The following PXYLP1 variants were observed in gnomAD, a reference collection of about 807,000 sequenced individuals.
PXYLP1 encodes the protein acid phosphatase-like 2.
PXYLP1 carries 17 observed loss-of-function variants against 37.9 expected under a neutral mutation model. That is an observed-to-expected ratio of 0.45 (90% confidence interval 0.31 to 0.67). PXYLP1 has a LOEUF of 0.67. Among genes scored for constraint, PXYLP1 ranks in the 30% least tolerant of loss-of-function variants. PXYLP1 has a pLI of 0.07. For synonymous variants in PXYLP1, 221 were observed against 232.2 expected (o/e 0.95, Z 0.44); for missense variants, 511 against 612.0 (o/e 0.84, Z 1.74).
chr3:141,250,712 G>A (rs183050772), intron 1 of PXYLP1, among the ~76,000 whole-genome samples: 256 of 152,298 alleles, frequency 1.7e-3, no homozygotes, highest in African/African-American at 5.9e-3. Flanking sequence ...GCCAGCTTGC[G>A]ACCCTGAGAG....
At chr3:141,280,998 A>T (rs1941941098) in intron 4 of PXYLP1, among the ~76,000 whole-genome samples, 1 of 152,204 alleles carries the variant, frequency 6.6e-6, no homozygotes, top group Non-Finnish European at 1.5e-5. Context: ...CTTTATAAGG[A>T]AGGTGCTATT....
chr3:141,244,397 A>G (rs1940887318), intron 1 of PXYLP1, among the ~76,000 whole-genome samples: 1 of 151,902 alleles, frequency 6.6e-6, no homozygotes, highest in Admixed American at 6.6e-5. Context: ...CCAACATACT[A>G]TAAAATCAAA....
chr3:141,286,699 G>A (rs1942082430), intron 4 of PXYLP1, among the ~76,000 whole-genome samples: 2 of 152,216 alleles, frequency 1.3e-5, no homozygotes, highest in South Asian at 4.1e-4. Context: ...GGTGGTGATA[G>A]GGAAGGGCAG....
chr3:141,256,296 A>G (rs1185529435), intron 1 of PXYLP1, among the ~76,000 whole-genome samples: 1 of 152,168 alleles, frequency 6.6e-6, no homozygotes, highest in Non-Finnish European at 1.5e-5. Flanking sequence ...AAAAAGCAGG[A>G]TCCTGCAGCT....
intron 1 of PXYLP1, among the ~76,000 whole-genome samples, chr3:141,246,321 G>C (rs1576577475): frequency 2.0e-5 from 3 of 152,212 alleles, no homozygotes; most frequent in African/African-American, 7.2e-5. Flanking sequence ...TCAGTCGCAG[G>C]AGACAGCCAG....
At chr3:141,276,394 T>C (rs948343403) in intron 2 of PXYLP1, among the ~76,000 whole-genome samples, 1 of 152,246 alleles carries the variant, frequency 6.6e-6, no homozygotes, top group Non-Finnish European at 1.5e-5. Flanking sequence ...TGTATATTTA[T>C]GCATTTATGG....
intron 2 of PXYLP1, among the ~76,000 whole-genome samples, chr3:141,277,735 G>A (rs1482881518): frequency 6.6e-6 from 1 of 152,202 alleles, no homozygotes; most frequent in Non-Finnish European, 1.5e-5. Flanking sequence ...CAAGCACACA[G>A]ATTGCAAGAC....
intron 2 of PXYLP1, chr3:141,274,370 A>C (rs1435636844): frequency 2.1e-6 from 3 of 1,436,932 alleles, no homozygotes; most frequent in Non-Finnish European, 2.7e-6. Flanking sequence ...CCCAAGGCGT[A>C]TCCTGAGCCA....
chr3:141,284,289 C>T (rs949220545), intron 4 of PXYLP1, among the ~76,000 whole-genome samples: 1 of 152,046 alleles, frequency 6.6e-6, no homozygotes, highest in African/African-American at 2.4e-5. Flanking sequence ...ATGGTTGAAC[C>T]CTGGTTGCTG....
At chr3:141,259,391 A>ATTT (rs35796707) in intron 1 of PXYLP1, among the ~76,000 whole-genome samples, 8 of 147,300 alleles carry the variant, frequency 5.4e-5, no homozygotes, top group South Asian at 2.2e-4. Context: ...GTAGTCATTC[A>ATTT]TTTTTTTTTT....
chr3:141,278,440 C>T lies in PXYLP1; in HGVS notation c.178C>T (p.Pro60Ser), dbSNP rs567417517. Residue 60 changes from proline (P) to serine (S), a missense_variant, in exon 3 of 6, where the codon CCC (proline) becomes TCC (serine). Physicochemically the swap from Pro to Ser is moderately conservative, Grantham distance 74. Transcript: ENST00000286353. ...DPVTEPPVTD[P>S]VYEALLYCNI... ...TGTGACGGAGCCCCCTGTGACAGAC[C>T]CCGTTTATGAAGCTCTTTTGTACTG... 2 of 1,614,192 alleles carry T rather than the reference C, an allele frequency of 1.2e-6. No individual in the cohort carries two copies. The highest frequency in any genetic ancestry group is 1.3e-5 in the African/African-American group (1 of 75,036).
At chr3:141,265,656 A>G (rs956813809) in intron 2 of PXYLP1, among the ~76,000 whole-genome samples, 10 of 152,246 alleles carry the variant, frequency 6.6e-5, no homozygotes, top group Admixed American at 1.3e-4. Context: ...GGCTAGGATG[A>G]TGGTATCGGG....
chr3:141,260,228 C>T lies in PXYLP1; in HGVS notation c.53C>T (p.Ala18Val). The T allele has an allele frequency of 6.2e-7, 1 of 1,613,354 alleles. No individual in the cohort carries two copies. The stretch of plus-strand genomic sequence containing the variant: ...CTGCTGGCCCTGGCTGCGCTGCTGG[C>T]CTTTGTGAGCCTCAGCCTGCAGTTC... ...LLLLALAALL[A>V]FVSLSLQFFH... Residue 18 changes from alanine to valine, a missense_variant, in exon 2 of 6, where the codon GCC becomes GTC. Ala to Val is a moderately conservative substitution (Grantham distance 64). Coordinates refer to ENST00000286353, the MANE Select transcript of PXYLP1 (RefSeq NM_001037172.3).
chr3:141,267,976 G>A (rs554538868), intron 2 of PXYLP1, among the ~76,000 whole-genome samples: 1 of 152,108 alleles, frequency 6.6e-6, no homozygotes, highest in Admixed American at 6.5e-5. Context: ...TAGATGAGGG[G>A]ATAGAGATAT....
chr3:141,277,762 G>A lies in PXYLP1; in HGVS notation c.80-580G>A, dbSNP rs141237342. ...TTGCAAGACCCACACATGCCACGCCGAAGACAGTGGCAGGGAAGCTGGCCT... is the reference window on the plus strand; with the variant it reads ...TTGCAAGACCCACACATGCCACGCCAAAGACAGTGGCAGGGAAGCTGGCCT... On this transcript the variant is annotated intron_variant, in intron 2 of 5. Transcript: ENST00000286353. Among the ~76,000 whole-genome samples, 8 of 152,320 alleles carry A rather than the reference G, an allele frequency of 5.3e-5. No homozygotes were observed. The South Asian group carries it at 1.2e-3, about 24-fold the overall frequency.
intron 2 of PXYLP1, among the ~76,000 whole-genome samples, chr3:141,272,305 C>T (rs1288122600): frequency 6.6e-6 from 1 of 152,186 alleles, no homozygotes; most frequent in Non-Finnish European, 1.5e-5. Context: ...AAAGGCTAGA[C>T]AGGGGTTTGT....
chr3:141,270,485 G>A (rs554719626), intron 2 of PXYLP1, among the ~76,000 whole-genome samples: 4 of 152,254 alleles, frequency 2.6e-5, no homozygotes, highest in Admixed American at 6.5e-5. Flanking sequence ...GAGACAGGGC[G>A]GGCATTTAAG....
chr3:141,233,932 G>A (rs559099599), intron 1 of PXYLP1, among the ~76,000 whole-genome samples: 2 of 152,302 alleles, frequency 1.3e-5, no homozygotes, highest in Non-Finnish European at 2.9e-5. Flanking sequence ...GTGATGAGTC[G>A]CTGTCAGATG....
At chr3:141,243,272 C>T (rs573470306) in intron 1 of PXYLP1, among the ~76,000 whole-genome samples, 6 of 152,300 alleles carry the variant, frequency 3.9e-5, no homozygotes, top group Admixed American at 2.0e-4. Flanking sequence ...CTGCTGCCAG[C>T]GCCATGATGT....
Sources: gnomAD v4.1 joint callset for allele counts (sites outside exome capture counted in the v4.1 genomes callset) on GRCh38, gnomAD v4.1.1 for gene constraint, MANE v1.5 for transcripts, NCBI Gene and HGNC (gene_info 2026-07-23, HGNC 2026-07-21) for gene names.